Variants in SESN1 observed in about 807,000 individuals in gnomAD.
SESN1 encodes the protein sestrin-1.
Under a neutral mutation model 59.3 loss-of-function variants are expected in SESN1, and 30 were observed. The ratio of observed to expected loss-of-function variants is 0.51; its 90% CI spans 0.38 to 0.69. SESN1 has a LOEUF of 0.69. Ranked by LOEUF, SESN1 falls within the 30% of genes least tolerant of loss-of-function variation. SESN1 has a pLI of 0.00. For synonymous variants in SESN1, 197 were observed against 219.9 expected (o/e 0.90, Z 0.92); for missense variants, 566 against 673.0 (o/e 0.84, Z 1.76).
intron 1 of SESN1, among the ~76,000 whole-genome samples, chr6:109,012,837 G>A (rs1026323357): frequency 2.6e-5 from 4 of 152,124 alleles, no homozygotes; most frequent in Non-Finnish European, 5.9e-5. Context: ...GCAGTAGGCC[G>A]GGCGTGGTGG....
At chr6:109,002,178 C>T in intron 2 of SESN1, 100 bp downstream of exon 2, 3 of 1,010,904 alleles carry the variant, frequency 3.0e-6, no homozygotes, top group Non-Finnish European at 4.6e-6. Context: ...CTGACTAAAA[C>T]ATGTTGTTGA....
chr6:109,093,796 T>C lies in SESN1; in HGVS notation c.278A>G (p.Gln93Arg). 6.2e-7 allele frequency: 1 copy of C among 1,612,786 alleles called. No homozygotes were observed. The change falls in exon 1 of 10, where the codon CAG (glutamine) becomes CGG (arginine). Residue 93 changes from glutamine (Q) to arginine (R), a missense_variant and splice_region_variant. Coordinates refer to ENST00000436639, the MANE Select transcript of SESN1 (RefSeq NM_014454.3). ...EKSEFILKSI[Q>R]ELGIRIPRPL... ...TGTATTTAAAATGCTCTTCCTTACC[T>C]GGATGCTCTTCAGAATAAACTCACT...
intron 1 of SESN1, among the ~76,000 whole-genome samples, chr6:109,051,348 T>C (rs572402482): frequency 5.1e-4 from 77 of 152,294 alleles, no homozygotes; most frequent in African/African-American, 1.9e-3. Context: ...ATGGTGCTAC[T>C]TCAGTGAAAA....
intron 1 of SESN1, among the ~76,000 whole-genome samples, chr6:109,084,196 A>G (rs1781171014): frequency 6.6e-6 from 1 of 152,256 alleles, no homozygotes; most frequent in Admixed American, 6.5e-5. Flanking sequence ...TATACATATT[A>G]AAGTTTATTT....
intron 1 of SESN1, among the ~76,000 whole-genome samples, chr6:109,085,806 G>T (rs1017333016): frequency 2.0e-5 from 3 of 152,036 alleles, no homozygotes; most frequent in African/African-American, 7.2e-5. Context: ...ATTAGAATTG[G>T]TGGCAAAGCT....
chr6:109,075,761 T>C (rs1379795732), intron 1 of SESN1, among the ~76,000 whole-genome samples: 1 of 152,146 alleles, frequency 6.6e-6, no homozygotes, highest in Non-Finnish European at 1.5e-5. Context: ...TCACAGAAAT[T>C]GTGAAATAAT....
intron 9 of SESN1, 79 bp downstream of exon 9, chr6:108,988,464 T>G: frequency 7.8e-7 from 1 of 1,289,732 alleles, no homozygotes. Flanking sequence ...GGAAAGGGTT[T>G]CAGCACCATT....
intron 1 of SESN1, among the ~76,000 whole-genome samples, chr6:109,044,713 CAAAAAAT>C (rs1475981462): frequency 6.6e-6 from 1 of 151,936 alleles, no homozygotes; most frequent in African/African-American, 2.4e-5. Flanking sequence ...CATCTCGAAT[CAAAAAAT>C]AAAAAATAAA....
At chr6:109,033,365 C>G (rs1780210861) in intron 1 of SESN1, among the ~76,000 whole-genome samples, 1 of 152,184 alleles carries the variant, frequency 6.6e-6, no homozygotes, top group African/African-American at 2.4e-5. Flanking sequence ...CAAGAAGCCT[C>G]TTGCTTCTTT....
chr6:109,030,579 A>G (rs1430502677), intron 1 of SESN1, among the ~76,000 whole-genome samples: 1 of 152,234 alleles, frequency 6.6e-6, no homozygotes, highest in Admixed American at 6.5e-5. Flanking sequence ...GGAAGAATAA[A>G]AATAGCTGGG....
At chr6:109,068,626 T>C (rs1676453107) in intron 1 of SESN1, among the ~76,000 whole-genome samples, 1 of 151,392 alleles carries the variant, frequency 6.6e-6, no homozygotes, top group African/African-American at 2.4e-5. Context: ...AAAGAGAGGA[T>C]AGAAGAGTAA....
intron 1 of SESN1, among the ~76,000 whole-genome samples, chr6:109,061,803 CA>C (rs969468093): frequency 1.0e-4 from 15 of 147,832 alleles, no homozygotes; most frequent in African/African-American, 1.7e-4. Context: ...GATCCTGTCT[CA>C]AAAAAAAAAT....
chr6:109,089,223 T>C (rs758719325), intron 1 of SESN1, among the ~76,000 whole-genome samples: 1 of 152,220 alleles, frequency 6.6e-6, no homozygotes, highest in Non-Finnish European at 1.5e-5. Context: ...CTTTTGCTGC[T>C]TTACTAATGA....
At chr6:109,024,340 A>G (rs1162911937) in intron 1 of SESN1, among the ~76,000 whole-genome samples, 1 of 152,172 alleles carries the variant, frequency 6.6e-6, no homozygotes. Context: ...ATAGTGAAGC[A>G]CTTAATCACA....
rs930565154 is a variant in SESN1, at chr6:108,986,437, T to C, written c.*1107A>G. 6.6e-6 allele frequency: 1 copy of C among 152,598 alleles called. No individual in the cohort carries two copies. The highest frequency in any genetic ancestry group is 2.4e-5 in the African/African-American group (1 of 41,442). The allele number at this position is 152,598 out of a possible 1,614,324, so 9.5% of individuals were successfully genotyped here. On this transcript the variant is annotated 3_prime_UTR_variant, in exon 10 of 10. Coordinates refer to ENST00000436639, the MANE Select transcript of SESN1 (RefSeq NM_014454.3). ...TTTTTTAAGAGATTGAGACAGCAAA[T>C]AAAATTGGAGAAAAATTCTTCTTTA...
At chr6:109,009,393 C>T (rs1779809575) in intron 1 of SESN1, 2 of 1,462,204 alleles carry the variant, frequency 1.4e-6, no homozygotes, top group Non-Finnish European at 9.0e-7. Context: ...GCACTGCTTG[C>T]AGCCCAGCAG....
chr6:109,050,607 A>G (rs2114440113), intron 1 of SESN1, among the ~76,000 whole-genome samples: 1 of 152,306 alleles, frequency 6.6e-6, no homozygotes, highest in African/African-American at 2.4e-5. Context: ...ACTTTCAAAT[A>G]ACCTATCTAT....
At chr6:109,050,272 G>T (rs1156324605) in intron 1 of SESN1, among the ~76,000 whole-genome samples, 1 of 152,048 alleles carries the variant, frequency 6.6e-6, no homozygotes, top group African/African-American at 2.4e-5. Context: ...ACCAGCTGAA[G>T]GTGGCATCTG....
chr6:108,997,993 T>C (rs1180577719), intron 5 of SESN1, among the ~76,000 whole-genome samples: 2 of 152,232 alleles, frequency 1.3e-5, no homozygotes, highest in Non-Finnish European at 2.9e-5. Context: ...TACATTCACC[T>C]GATATCACCT....
Sources: gnomAD v4.1 joint callset for allele counts (sites outside exome capture counted in the v4.1 genomes callset) on GRCh38, gnomAD v4.1.1 for gene constraint, MANE v1.5 for transcripts, NCBI Gene and HGNC (gene_info 2026-07-23, HGNC 2026-07-21) for gene names.